The following NR3C2 variants were observed in gnomAD, a reference collection of about 807,000 sequenced individuals.
The protein encoded by NR3C2 is mineralocorticoid receptor.
Under a neutral mutation model 86.4 loss-of-function variants are expected in NR3C2, and 15 were observed. That is an observed-to-expected ratio of 0.17 (90% confidence interval 0.12 to 0.27). NR3C2 has a LOEUF of 0.27. Ranked by LOEUF, NR3C2 falls within the 10% of genes least tolerant of loss-of-function variation. The pLI, the probability that NR3C2 is intolerant of heterozygous loss-of-function variation, is 1.00. For missense variants in NR3C2, 960 were observed against 1,195.6 expected (o/e 0.80, Z 2.91); for synonymous variants, 458 against 450.5 (o/e 1.02, Z -0.21).
intron 6 of NR3C2, among the ~76,000 whole-genome samples, chr4:148,143,673 C>T (rs1293537927): frequency 1.3e-5 from 2 of 152,102 alleles, no homozygotes; most frequent in African/African-American, 2.4e-5. Context: ...AGGCTGGGCG[C>T]GGTGGCTCAT....
intron 3 of NR3C2, among the ~76,000 whole-genome samples, chr4:148,214,617 G>C (rs1162448620): frequency 6.6e-6 from 1 of 152,086 alleles, no homozygotes; most frequent in Non-Finnish European, 1.5e-5. Context: ...TAGGAAATGT[G>C]GGATCCAGCA....
chr4:148,197,936 T>C (rs576557714), intron 3 of NR3C2, among the ~76,000 whole-genome samples: 1 of 152,212 alleles, frequency 6.6e-6, no homozygotes, highest in East Asian at 1.9e-4. Context: ...CATCCATCCG[T>C]GTACTCGAGT....
intron 3 of NR3C2, among the ~76,000 whole-genome samples, chr4:148,216,224 CA>C (rs1321409454): frequency 5.6e-4 from 85 of 152,084 alleles, no homozygotes; most frequent in African/African-American, 1.0e-3. Flanking sequence ...TTTGACTCCC[CA>C]CCACCCCCCC....
At chr4:148,241,190 CA>C (rs1185428041) in intron 3 of NR3C2, among the ~76,000 whole-genome samples, 19 of 150,144 alleles carry the variant, frequency 1.3e-4, no homozygotes. Context: ...CCTGTAGTCC[CA>C]GCAACTCAGG....
chr4:148,382,353 A>G (rs576914988), intron 2 of NR3C2, among the ~76,000 whole-genome samples: 10 of 152,350 alleles, frequency 6.6e-5, no homozygotes, highest in Admixed American at 6.5e-4. Flanking sequence ...TGGTCCGTGC[A>G]CTTAATATCT....
chr4:148,372,654 G>C (rs545325560), intron 2 of NR3C2, among the ~76,000 whole-genome samples: 5 of 152,168 alleles, frequency 3.3e-5, no homozygotes, highest in Admixed American at 6.5e-5. Context: ...CAAATGGAAG[G>C]CACATAAAAG....
chr4:148,204,056 T>C (rs538532418), intron 3 of NR3C2, among the ~76,000 whole-genome samples: 1 of 152,324 alleles, frequency 6.6e-6, no homozygotes, highest in African/African-American at 2.4e-5. Context: ...AATTCCCACA[T>C]AAACATTCTT....
intron 8 of NR3C2, among the ~76,000 whole-genome samples, chr4:148,113,383 T>G (rs1732130752): frequency 6.6e-6 from 1 of 152,232 alleles, no homozygotes; most frequent in Admixed American, 6.5e-5. Context: ...CAAACATTTT[T>G]ATTAACCAAA....
intron 3 of NR3C2, among the ~76,000 whole-genome samples, chr4:148,251,979 GATGTGT>G (rs528620480): frequency 6.4e-4 from 97 of 152,228 alleles, no homozygotes; most frequent in African/African-American, 2.3e-3. Flanking sequence ...CAATATAGCT[GATGTGT>G]TAAGTACATA....
At chr4:148,430,370 ACT>A (rs1466834240) in intron 2 of NR3C2, among the ~76,000 whole-genome samples, 1 of 152,108 alleles carries the variant, frequency 6.6e-6, no homozygotes, top group Non-Finnish European at 1.5e-5. Context: ...TAAAAATGAA[ACT>A]CACAAAAGTA....
intron 4 of NR3C2, among the ~76,000 whole-genome samples, chr4:148,187,902 T>G (rs1736006716): frequency 6.6e-6 from 1 of 152,172 alleles, no homozygotes; most frequent in Non-Finnish European, 1.5e-5. Context: ...TTGTATAAGG[T>G]GAGGGATGAG....
Position 148,419,310 on chromosome 4 carries a change from TG to T in NR3C2, c.1757+15793del, listed in dbSNP as rs1008945020. ...CAACCAAGAGAAAGAGTTCTTAATCTGGGGCTCATGGGTTCATGAAATGGTT... is the reference window on the plus strand; with the variant it reads ...CAACCAAGAGAAAGAGTTCTTAATCTGGGCTCATGGGTTCATGAAATGGTT... On this transcript the variant is annotated intron_variant, in intron 2 of 8. Transcript: ENST00000358102. Among the ~76,000 whole-genome samples, 38 of 152,286 alleles carry T rather than the reference TG, an allele frequency of 2.5e-4. 1 individual carries two copies. The highest frequency in any genetic ancestry group is 9.1e-4 in the African/African-American group (38 of 41,584).
At chr4:148,381,660 C>T (rs1238877404) in intron 2 of NR3C2, among the ~76,000 whole-genome samples, 1 of 152,070 alleles carries the variant, frequency 6.6e-6, no homozygotes, top group Non-Finnish European at 1.5e-5. Flanking sequence ...TTTAAAAACA[C>T]AAAATCAGAA....
chr4:148,367,835 A>G (rs1746224909), intron 2 of NR3C2, among the ~76,000 whole-genome samples: 2 of 151,768 alleles, frequency 1.3e-5, no homozygotes, highest in African/African-American at 2.4e-5. Flanking sequence ...CCTAGGTTCA[A>G]TGTAAACTTC....
At chr4:148,214,831 C>T (rs1191959609) in intron 3 of NR3C2, among the ~76,000 whole-genome samples, 1 of 152,162 alleles carries the variant, frequency 6.6e-6, no homozygotes, top group Non-Finnish European at 1.5e-5. Context: ...GAAATCTCCC[C>T]ATTTTTAAAT....
intron 3 of NR3C2, among the ~76,000 whole-genome samples, chr4:148,259,761 T>C (rs748264506): frequency 1.3e-5 from 2 of 152,214 alleles, no homozygotes; most frequent in African/African-American, 2.4e-5. Context: ...TCCTCTTTGG[T>C]TGATCCTTGC....
At chr4:148,394,404 G>T (rs1747750743) in intron 2 of NR3C2, among the ~76,000 whole-genome samples, 1 of 151,810 alleles carries the variant, frequency 6.6e-6, no homozygotes, top group African/African-American at 2.4e-5. Flanking sequence ...AAACAACCAG[G>T]CATGGTAACT....
In NR3C2 at chr4:148,435,248, G is replaced by A. The variant is rs774540111; in HGVS notation, c.1613C>T (p.Ser538Leu). 6 of 1,614,038 alleles carry A rather than the reference G, an allele frequency of 3.7e-6. No homozygotes were observed. The highest frequency in any genetic ancestry group is 1.1e-5 in the South Asian group (1 of 91,082). ...GTGTTGGAAAGATTGGTCTCTAGCC[G>A]ATCGTGATAAAGATATTGTACCTTG... ...GAQGTISLSR[S>L]ARDQSFQHLS... is the part of the protein sequence containing the mutation. The change falls in exon 2 of 9, where the codon TCG (serine) becomes TTG (leucine). Residue 538 changes from serine (S) to leucine (L), a missense_variant. Physicochemically the swap from Ser to Leu is moderately radical, Grantham distance 145. Around this residue, in one of 4 missense-constraint regions of NR3C2, gnomAD observed 680 missense variants for 719.0 expected, o/e 0.95. Transcript: ENST00000358102.
chr4:148,319,058 G>A (rs1743398387), intron 2 of NR3C2, among the ~76,000 whole-genome samples: 2 of 151,714 alleles, frequency 1.3e-5, no homozygotes, highest in South Asian at 4.2e-4. Context: ...TTTGTATAAG[G>A]TGTAAGGAAG....
Sources: allele counts gnomAD v4.1 joint callset (sites outside exome capture counted in the v4.1 genomes callset), GRCh38; gene constraint gnomAD v4.1.1; regional missense constraint gnomAD v4.1.1; transcripts MANE v1.5; gene names NCBI Gene and HGNC (gene_info 2026-07-23, HGNC 2026-07-21).